Variants in LGR5 observed in about 807,000 individuals in gnomAD.
LGR5 encodes leucine-rich repeat-containing G protein-coupled receptor 5.
LGR5 carries 54 observed loss-of-function variants against 76.7 expected under a neutral mutation model. The observed-to-expected ratio is 0.70, with a 90% CI of 0.57 to 0.88. The LOEUF (loss-of-function observed/expected upper bound fraction) is 0.88, where lower values mean the gene tolerates loss of function less well. Among genes scored for constraint, LGR5 ranks in the 40% least tolerant of loss-of-function variants. The probability of loss-of-function intolerance (pLI) is 0.00; values close to 1 mark genes in which losing one functional copy is unlikely to be tolerated. For missense variants in LGR5, 1,078 were observed against 1,073.3 expected, an observed-to-expected ratio of 1.00 and a Z score of -0.06; for synonymous variants, 406 against 421.9, an observed-to-expected ratio of 0.96 and a Z score of 0.46.
intron 2 of LGR5, among the ~76,000 whole-genome samples, chr12:71,521,876 T>C (rs1221711656): frequency 1.3e-5 from 2 of 152,186 alleles, no homozygotes; most frequent in Admixed American, 1.3e-4. Context: ...TAACACAAGG[T>C]AGACTATAAA....
chr12:71,455,947 A>G (rs566615985), intron 1 of LGR5, among the ~76,000 whole-genome samples: 35 of 152,326 alleles, frequency 2.3e-4, no homozygotes, highest in African/African-American at 7.9e-4. Context: ...TGTAATAAAT[A>G]ACCATAGTAA....
chr12:71,488,798 A>C (rs546818935), intron 1 of LGR5, among the ~76,000 whole-genome samples: 1 of 152,256 alleles, frequency 6.6e-6, no homozygotes, highest in East Asian at 1.9e-4. Context: ...AATTTAGGTA[A>C]TTTTAGTTTC....
At chr12:71,550,241 C>T (rs1420446100) in intron 4 of LGR5, among the ~76,000 whole-genome samples, 1 of 151,706 alleles carries the variant, frequency 6.6e-6, no homozygotes, top group African/African-American at 2.4e-5. Context: ...ACCTCCACCT[C>T]CTGGGTTCAA....
chr12:71,488,361 C>A (rs1386839929), intron 1 of LGR5, among the ~76,000 whole-genome samples: 1 of 152,154 alleles, frequency 6.6e-6, no homozygotes, highest in Non-Finnish European at 1.5e-5. Flanking sequence ...TCTAAGGGAG[C>A]TTTCTTTAGT....
At chr12:71,476,275 G>A (rs1035539014) in intron 1 of LGR5, among the ~76,000 whole-genome samples, 1 of 152,162 alleles carries the variant, frequency 6.6e-6, no homozygotes, top group South Asian at 2.1e-4. Flanking sequence ...AATGGAAAAT[G>A]TATTGACAGT....
intron 1 of LGR5, among the ~76,000 whole-genome samples, chr12:71,484,913 T>TA (rs891449277): frequency 1.8e-4 from 28 of 152,310 alleles, no homozygotes; most frequent in African/African-American, 5.3e-4. Context: ...AAGTTCCCAC[T>TA]AAAAAATTAA....
intron 2 of LGR5, among the ~76,000 whole-genome samples, chr12:71,510,079 T>C (rs1048152327): frequency 6.6e-6 from 1 of 152,194 alleles, no homozygotes; most frequent in African/African-American, 2.4e-5. Context: ...GAGGATCAAA[T>C]GAAACAATGA....
intron 4 of LGR5, among the ~76,000 whole-genome samples, chr12:71,552,567 C>CA (rs5799046): frequency 0.41 from 50,509 of 123,716 alleles, 10,099 homozygotes; most frequent in East Asian, 0.64. Context: ...GACTTCGTCT[C>CA]AAAAAAAAAA....
intron 1 of LGR5, among the ~76,000 whole-genome samples, chr12:71,477,626 T>A (rs1873398236): frequency 6.6e-6 from 1 of 152,132 alleles, no homozygotes. Flanking sequence ...CACCCTTTTG[T>A]ATGAATTGAT....
chr12:71,528,746 G>T (rs1040167054), intron 3 of LGR5, among the ~76,000 whole-genome samples: 1 of 152,168 alleles, frequency 6.6e-6, no homozygotes, highest in Admixed American at 6.5e-5. Flanking sequence ...AGGGTGGCCA[G>T]CTTGTTGCTT....
chr12:71,503,233 T>C (rs1874692458), intron 1 of LGR5, among the ~76,000 whole-genome samples: 1 of 152,168 alleles, frequency 6.6e-6, no homozygotes. Context: ...AAAATGAAAT[T>C]GTTTATCAAT....
Position 71,584,174 on chromosome 12 carries a change from A to G in LGR5, c.2164A>G (p.Thr722Ala), listed in dbSNP as rs755222945. 3 of 1,614,098 alleles carry G rather than the reference A, an allele frequency of 1.9e-6. No individual in the cohort carries two copies. The highest frequency in any genetic ancestry group is 8.5e-7 in the Non-Finnish European group (1 of 1,179,978). The change falls in exon 18 of 18, where the codon ACC (threonine) becomes GCC (alanine). Residue 722 changes from threonine (T) to alanine (A), a missense_variant. Coordinates refer to ENST00000266674, the MANE Select transcript of LGR5 (RefSeq NM_003667.4). Reference protein sequence around the residue: ...CLPLPFGEPSTMGYMVALILL... With the variant: ...CLPLPFGEPSAMGYMVALILL... ...GCCTTTGCCTTTTGGGGAGCCCAGCACCATGGGCTACATGGTCGCTCTCAT... is the reference window on the plus strand; with the variant it reads ...GCCTTTGCCTTTTGGGGAGCCCAGCGCCATGGGCTACATGGTCGCTCTCAT...
intron 1 of LGR5, among the ~76,000 whole-genome samples, chr12:71,449,115 T>C (rs1362563926): frequency 6.6e-6 from 1 of 152,218 alleles, no homozygotes; most frequent in African/African-American, 2.4e-5. Context: ...TCTTTGCCTT[T>C]CTCCATCCCT....
intron 17 of LGR5, chr12:71,583,438 G>C: frequency 1.8e-6 from 1 of 564,708 alleles, no homozygotes; most frequent in South Asian, 2.7e-5. Flanking sequence ...TGGAACAGGA[G>C]CACCGGGTGT....
chr12:71,552,225 C>T (rs1478962084), intron 4 of LGR5, among the ~76,000 whole-genome samples: 2 of 151,878 alleles, frequency 1.3e-5, no homozygotes, highest in Admixed American at 6.6e-5. Flanking sequence ...ATGTTCTGCA[C>T]GTGTATCCCA....
At chr12:71,510,991 G>A (rs148602067) in intron 2 of LGR5, among the ~76,000 whole-genome samples, 49 of 152,290 alleles carry the variant, frequency 3.2e-4, no homozygotes, top group African/African-American at 1.2e-3. Flanking sequence ...AGACCAGATC[G>A]TGCAGGGCCA....
At position 71,440,413 on chromosome 12, in the gene LGR5, A is replaced by C; in HGVS notation, c.212+121A>C. 1.1e-6 allele frequency: 1 copy of C among 921,878 alleles called. No homozygotes were observed. The highest frequency in any genetic ancestry group is 1.7e-6 in the Non-Finnish European group (1 of 589,512). The allele number at this position is 921,878 out of a possible 1,614,324, so 57.1% of individuals were successfully genotyped here. ...CGTGGGGGAGGGGGGCGAGTTTGTC[A>C]AGGGCATCCTGGCCAGGCCTGTTAG... is the stretch of plus-strand genomic sequence containing the variant. On this transcript the variant is annotated intron_variant, in intron 1 of 17. Coordinates refer to ENST00000266674, the MANE Select transcript of LGR5 (RefSeq NM_003667.4). This position sits in a 1 kb window ranked among gnomAD's most constrained non-coding sequence, Gnocchi z 5.3.
At chr12:71,579,059 TA>T (rs1319529673) in intron 15 of LGR5, 130 bp downstream of exon 15, 9 of 763,290 alleles carry the variant, frequency 1.2e-5, no homozygotes, top group Middle Eastern at 7.9e-4. Context: ...TCAAGTCTCC[TA>T]ACCCTGGAGC....
chr12:71,440,233 C>T lies in LGR5; in HGVS notation c.153C>T (p.Asp51=). ...ACGGCAGGATGTTGCTCAGGGTGGACTGCTCCGACCTGGGGCTCTCGGAGC... is the reference window on the plus strand; with the variant it reads ...ACGGCAGGATGTTGCTCAGGGTGGATTGCTCCGACCTGGGGCTCTCGGAGC... ...EPDGRMLLRV[D]CSDLGLSELP... is the part of the protein sequence containing the mutation. The change falls in exon 1 of 18, where the codon GAC becomes GAT. Residue 51 remains aspartate, a synonymous_variant. Transcript: ENST00000266674. This position sits in a 1 kb window ranked among gnomAD's most constrained non-coding sequence, Gnocchi z 5.3. 2 of 1,613,286 alleles carry T rather than the reference C, an allele frequency of 1.2e-6. No homozygotes were observed. Among genetic ancestry groups the T allele is most frequent in the East Asian group, 4.5e-5 (2 of 44,880 alleles).
Sources: allele counts gnomAD v4.1 joint callset (sites outside exome capture counted in the v4.1 genomes callset), GRCh38; gene constraint gnomAD v4.1.1; non-coding constraint Gnocchi (gnomAD v3.1); transcripts MANE v1.5; gene names NCBI Gene and HGNC (gene_info 2026-07-23, HGNC 2026-07-21).